PIK3R3: variants seen among roughly 807,000 people sequenced by gnomAD.
PIK3R3 encodes phosphatidylinositol 3-kinase regulatory subunit gamma.
Under a neutral mutation model 62.9 loss-of-function variants are expected in PIK3R3, and 64 were observed. The ratio of observed to expected loss-of-function variants is 1.02; its 90% CI spans 0.83 to 1.25. The LOEUF is 1.25. Among genes scored for constraint, PIK3R3 ranks in the 50% most tolerant of loss-of-function variants. The probability of loss-of-function intolerance (pLI) is 0.00; values close to 1 mark genes in which losing one functional copy is unlikely to be tolerated. For missense variants in PIK3R3, 614 were observed against 561.6 expected (o/e 1.09, Z -0.94); for synonymous variants, 165 against 189.0 (o/e 0.87, Z 1.04).
At chr1:46,128,290 C>A (rs1165035773) in intron 1 of PIK3R3, among the ~76,000 whole-genome samples, 12 of 151,962 alleles carry the variant, frequency 7.9e-5, no homozygotes, top group Non-Finnish European at 1.8e-4. Flanking sequence ...CTAAAATTAG[C>A]CAGGCATGGT....
At chr1:46,158,678 A>C in the PIK3R3 span, among the ~76,000 whole-genome samples, 1 of 152,250 alleles carries the variant, frequency 6.6e-6, no homozygotes, top group Non-Finnish European at 1.5e-5. Context: ...TGCAGAAGAA[A>C]GATAAGCTAA....
At chr1:46,170,937 C>T in the PIK3R3 span, among the ~76,000 whole-genome samples, 1 of 152,330 alleles carries the variant, frequency 6.6e-6, no homozygotes, top group African/African-American at 2.4e-5. Context: ...TTCTTAGTTT[C>T]TATAACCCAG....
At chr1:46,089,751 T>C (rs1651438286) in intron 1 of PIK3R3, among the ~76,000 whole-genome samples, 1 of 151,022 alleles carries the variant, frequency 6.6e-6, no homozygotes, top group South Asian at 2.1e-4. Context: ...AATTATAGTA[T>C]ACTAATGGCT....
intron 3 of PIK3R3, among the ~76,000 whole-genome samples, chr1:46,076,070 C>T (rs538184398): frequency 5.9e-5 from 9 of 152,106 alleles, no homozygotes; most frequent in African/African-American, 1.2e-4. Context: ...CACTGAGGGG[C>T]GATCTTCCTT....
In PIK3R3 at chr1:46,132,313, A is replaced by T; in HGVS notation, c.-361T>A. On this transcript the variant is annotated 5_prime_UTR_variant, in exon 1 of 10. Transcript: ENST00000262741. ...GCCTCCAAATCTTTCCGCGGAAGCCACTTTTGTGTCCTTCGAAGGAGGGAG... is the reference window on the plus strand; with the variant it reads ...GCCTCCAAATCTTTCCGCGGAAGCCTCTTTTGTGTCCTTCGAAGGAGGGAG... 9.0e-7 allele frequency: 1 copy of T among 1,113,296 alleles called. No homozygotes were observed. The allele number at this position is 1,113,296 out of a possible 1,614,324, so 69.0% of individuals were successfully genotyped here. A position where few individuals can be genotyped will look rare whatever the true frequency, so the allele number is the denominator to read the frequency against.
chr1:46,128,321 C>T (rs1306812812), intron 1 of PIK3R3, among the ~76,000 whole-genome samples: 1 of 151,974 alleles, frequency 6.6e-6, no homozygotes, highest in East Asian at 1.9e-4. Flanking sequence ...TGTGTAGTCC[C>T]AGCTACTCGG....
At chr1:46,096,217 T>C (rs1001589512) in intron 1 of PIK3R3, among the ~76,000 whole-genome samples, 9 of 152,356 alleles carry the variant, frequency 5.9e-5, no homozygotes, top group African/African-American at 1.9e-4. Flanking sequence ...CAGATGAAAT[T>C]AAACTTTTTT....
intron 4 of PIK3R3, among the ~76,000 whole-genome samples, chr1:46,066,587 A>G (rs2149396661): frequency 6.6e-6 from 1 of 152,324 alleles, no homozygotes; most frequent in Admixed American, 6.5e-5. Context: ...TGGGTGGTCA[A>G]AGTGAGATGA....
chr1:46,056,096 G>C (rs1647882625), intron 6 of PIK3R3, 125 bp from the exon 7 acceptor site: 8 of 614,424 alleles, frequency 1.3e-5, no homozygotes, highest in Non-Finnish European at 2.2e-5. Context: ...TGTCACCCAG[G>C]CTGGAGTGTA....
Position 46,061,773 on chromosome 1 carries a change from AG to A in PIK3R3, c.764+155del, listed in dbSNP as rs536423200. 7.9e-5 allele frequency among the ~76,000 whole-genome samples: 12 copies of A among 152,334 alleles called. No homozygotes were observed. The East Asian group carries it at 2.3e-3, about 29-fold the overall frequency. ...AGAATGAACAAAGAGCAGAGGAGAG[AG>A]GAAGTTCAATTTGGTGCCATTAGTG... On this transcript the variant is annotated intron_variant, in intron 6 of 9. Transcript: ENST00000262741.
chr1:46,151,671 G>A, the PIK3R3 span, among the ~76,000 whole-genome samples: 1 of 152,144 alleles, frequency 6.6e-6, no homozygotes, highest in Non-Finnish European at 1.5e-5. Flanking sequence ...CTATAGCTGG[G>A]ATTTCTTCTT....
chr1:46,077,482 A>C, intron 3 of PIK3R3, 33 bp downstream of exon 3: 23 of 1,098,260 alleles, frequency 2.1e-5, no homozygotes, highest in Non-Finnish European at 2.7e-5. Context: ...TAACATCAGT[A>C]GAGAACTAGC....
At chr1:46,069,688 C>A (rs973145998) in intron 3 of PIK3R3, among the ~76,000 whole-genome samples, 17 of 152,142 alleles carry the variant, frequency 1.1e-4, no homozygotes, top group African/African-American at 4.1e-4. Context: ...GAGTTACCAG[C>A]CGATGTATGT....
chr1:46,099,568 T>C (rs1396240109), intron 1 of PIK3R3, among the ~76,000 whole-genome samples: 1 of 152,244 alleles, frequency 6.6e-6, no homozygotes, highest in Non-Finnish European at 1.5e-5. Context: ...GATTAATTTA[T>C]GTTGATACAA....
At chr1:46,073,062 A>G (rs981113457) in intron 3 of PIK3R3, among the ~76,000 whole-genome samples, 21 of 152,204 alleles carry the variant, frequency 1.4e-4, no homozygotes, top group African/African-American at 4.8e-4. Context: ...CAAAATCCCC[A>G]ACCTCAGATA....
At chr1:46,162,055 G>T in the PIK3R3 span, among the ~76,000 whole-genome samples, 1 of 147,122 alleles carries the variant, frequency 6.8e-6, no homozygotes, top group African/African-American at 2.5e-5. Context: ...TCGCGCCACC[G>T]CACTCCAGCC....
the PIK3R3 span, among the ~76,000 whole-genome samples, chr1:46,167,595 C>T: frequency 6.6e-6 from 1 of 152,156 alleles, no homozygotes; most frequent in Non-Finnish European, 1.5e-5. Flanking sequence ...TAAGAATCTC[C>T]CAGCTGTAGT....
chr1:46,100,237 A>C (rs1652528416), intron 1 of PIK3R3, among the ~76,000 whole-genome samples: 1 of 152,188 alleles, frequency 6.6e-6, no homozygotes, highest in African/African-American at 2.4e-5. Context: ...CCCTAGTATC[A>C]TAAAAACATT....
chr1:46,119,531 A>T (rs754555774), intron 1 of PIK3R3, among the ~76,000 whole-genome samples: 4 of 152,172 alleles, frequency 2.6e-5, no homozygotes, highest in Admixed American at 2.6e-4. Context: ...TAACTACTCC[A>T]CTATACTGCC....
Sources: gnomAD v4.1 joint callset for allele counts (sites outside exome capture counted in the v4.1 genomes callset) on GRCh38, gnomAD v4.1.1 for gene constraint, MANE v1.5 for transcripts, NCBI Gene and HGNC (gene_info 2026-07-23, HGNC 2026-07-21) for gene names.